Variants in ARAP2 observed in about 807,000 individuals in gnomAD.
The protein encoded by ARAP2 is ArfGAP with RhoGAP domain, ankyrin repeat and PH domain 2.
A neutral mutation model predicts 194.5 loss-of-function variants in ARAP2; 148 were observed. That is an observed-to-expected ratio of 0.76 (90% CI 0.67 to 0.87). The LOEUF (loss-of-function observed/expected upper bound fraction) is 0.87, where lower values mean the gene tolerates loss of function less well. Among genes scored for constraint, ARAP2 ranks in the 40% least tolerant of loss-of-function variants. The pLI, the probability that ARAP2 is intolerant of heterozygous loss-of-function variation, is 0.00. For synonymous variants in ARAP2, 695 were observed against 683.5 expected (o/e 1.02, Z -0.26); for missense variants, 2,128 against 1,989.7 (o/e 1.07, Z -1.32).
intron 5 of ARAP2, among the ~76,000 whole-genome samples, chr4:36,024,951 A>T (rs2109348209): frequency 6.6e-6 from 1 of 152,276 alleles, no homozygotes; most frequent in South Asian, 2.1e-4. Context: ...GTCATCTGTA[A>T]GGTACTGATA....
chr4:36,057,152 T>C (rs1723655203), intron 2 of ARAP2, among the ~76,000 whole-genome samples: 1 of 152,020 alleles, frequency 6.6e-6, no homozygotes, highest in Non-Finnish European at 1.5e-5. Flanking sequence ...GGATATGGAA[T>C]TCTAGTTGGC....
chr4:36,191,871 C>T (rs927335662), intron 7 of ARAP2, among the ~76,000 whole-genome samples: 3 of 152,034 alleles, frequency 2.0e-5, no homozygotes, highest in African/African-American at 4.8e-5. Flanking sequence ...TTGGATCATG[C>T]CATTTTCTGT....
chr4:36,033,082 C>T (rs537659257), intron 5 of ARAP2, among the ~76,000 whole-genome samples: 4 of 152,290 alleles, frequency 2.6e-5, no homozygotes, highest in African/African-American at 9.6e-5. Context: ...CATTGATGGG[C>T]ATCGAGATTG....
chr4:36,143,432 G>T (rs1285868876), intron 19 of ARAP2, among the ~76,000 whole-genome samples: 1 of 151,402 alleles, frequency 6.6e-6, no homozygotes, highest in Non-Finnish European at 1.5e-5. Flanking sequence ...CTCTACAAAG[G>T]TATTGGTAAA....
chr4:36,095,057 A>T (rs1714796898), intron 27 of ARAP2, among the ~76,000 whole-genome samples: 2 of 152,134 alleles, frequency 1.3e-5, no homozygotes, highest in African/African-American at 4.8e-5. Flanking sequence ...TTTTGGATTA[A>T]TTTGTATTGA....
At chr4:36,166,381 A>G (rs546918865) in intron 10 of ARAP2, among the ~76,000 whole-genome samples, 8 of 152,128 alleles carry the variant, frequency 5.3e-5, no homozygotes, top group African/African-American at 1.2e-4. Context: ...TATCTTTTTC[A>G]TTGTCATAAT....
Position 36,071,670 on chromosome 4 carries a change from AT to A in ARAP2, c.4743+2018del, listed in dbSNP as rs201540912. On this transcript the variant is annotated intron_variant, in intron 32 of 32. Transcript: ENST00000303965. The stretch of plus-strand genomic sequence containing the variant: ...GATTTTTATTAATATATAATACTTA[AT>A]TTTTTTTTGAGTTTTTTTTTAATTT... 5.3e-3 allele frequency among the ~76,000 whole-genome samples: 729 copies of A among 138,558 alleles called. 3 individuals carry two copies. Among genetic ancestry groups the A allele is most frequent in the African/African-American group, 0.016 (600 of 37,722 alleles). The allele number at this position is 138,558 out of a possible 152,430, so 90.9% of individuals were successfully genotyped here.
At chr4:36,037,123 A>G (rs574270710) in intron 5 of ARAP2, among the ~76,000 whole-genome samples, 1 of 151,898 alleles carries the variant, frequency 6.6e-6, no homozygotes, top group South Asian at 2.1e-4. Context: ...ACCTCCATAC[A>G]CTCTTCACAC....
intron 15 of ARAP2, chr4:36,157,637 G>C (rs1020163200): frequency 6.6e-6 from 1 of 152,132 alleles, no homozygotes; most frequent in Non-Finnish European, 1.5e-5. Flanking sequence ...TCACATCAAC[G>C]ATCTTGCAGA....
intron 8 of ARAP2, among the ~76,000 whole-genome samples, chr4:36,183,174 G>C (rs1407708809): frequency 6.6e-6 from 1 of 152,090 alleles, no homozygotes. Context: ...GTTAAGTAAA[G>C]GGATAGTAAA....
intron 2 of ARAP2, among the ~76,000 whole-genome samples, chr4:36,215,102 A>T (rs568820978): frequency 6.6e-6 from 1 of 152,332 alleles, no homozygotes; most frequent in Non-Finnish European, 1.5e-5. Context: ...CATATAACAG[A>T]GTTCTCTTTT....
Position 36,160,560 on chromosome 4 carries a change from A to G in ARAP2, c.2341T>C (p.Ser781Pro). Residue 781 changes from serine to proline, a missense_variant, in exon 13 of 33, where the codon TCA becomes CCA. Transcript: ENST00000303965. ...AAGTTTTTTCTCTTTTCTACTGGTGAGTCCATATGTAATTCTTCATCCTTT... is the reference window on the plus strand; with the variant it reads ...AAGTTTTTTCTCTTTTCTACTGGTGGGTCCATATGTAATTCTTCATCCTTT... The part of the protein sequence containing the change: ...LQKDEELHMD[S>P]PVEKRKNFIT... The G allele has an allele frequency of 6.4e-7, 1 of 1,562,318 alleles. No individual in the cohort carries two copies. Among genetic ancestry groups the G allele is most frequent in the South Asian group, 1.2e-5 (1 of 80,566 alleles).
intron 27 of ARAP2, among the ~76,000 whole-genome samples, chr4:36,092,441 T>C (rs2109391260): frequency 6.6e-6 from 1 of 152,192 alleles, no homozygotes; most frequent in African/African-American, 2.4e-5. Flanking sequence ...GAAACCCGTC[T>C]CTACTAAAAA....
intron 1 of ARAP2, among the ~76,000 whole-genome samples, chr4:36,235,826 G>C (rs1752334399): frequency 6.6e-6 from 1 of 152,072 alleles, no homozygotes; most frequent in Non-Finnish European, 1.5e-5. Context: ...TGAGGGGTGG[G>C]GCAGTAGGTA....
Position 36,229,652 on chromosome 4 carries a change from A to G in ARAP2, c.-159-7T>C, listed in dbSNP as rs1751043076. The G allele has an allele frequency of 2.1e-6, 1 of 465,430 alleles. No individual in the cohort carries two copies. The highest frequency in any genetic ancestry group is 3.7e-5 in the Admixed American group (1 of 26,848). 28.8% of individuals were successfully genotyped at this position (465,430 alleles called of 1,614,324 possible). A position where few individuals can be genotyped will look rare whatever the true frequency, so the allele number is the denominator to read the frequency against. ...CTGCTTTACCTGCTTAAGCCTAGAA[A>G]AAAATAAAAAATGATTCATTAGGCT... On this transcript the variant is annotated splice_region_variant and splice_polypyrimidine_tract_variant and intron_variant, in intron 1 of 32. Coordinates refer to ENST00000303965, the MANE Select transcript of ARAP2 (RefSeq NM_015230.4).
chr4:36,119,267 T>G (rs1722111918), intron 24 of ARAP2, among the ~76,000 whole-genome samples: 1 of 151,480 alleles, frequency 6.6e-6, no homozygotes, highest in African/African-American at 2.4e-5. Flanking sequence ...TAAGAAATAA[T>G]TTATAGTTTC....
intron 9 of ARAP2, among the ~76,000 whole-genome samples, chr4:36,009,893 G>T (rs984901810): frequency 2.6e-5 from 3 of 117,160 alleles, no homozygotes; most frequent in East Asian, 4.1e-4. Flanking sequence ...CGGGGGGTAG[G>T]GGGGTGGAAT....
At chr4:36,110,205 A>G (rs1314166516) in intron 26 of ARAP2, among the ~76,000 whole-genome samples, 1 of 151,892 alleles carries the variant, frequency 6.6e-6, no homozygotes, top group Non-Finnish European at 1.5e-5. Context: ...AAGCCTTCCC[A>G]TGATGGTTTT....
chr4:36,165,449 T>A (rs901291720), intron 10 of ARAP2, among the ~76,000 whole-genome samples: 8 of 151,792 alleles, frequency 5.3e-5, no homozygotes, highest in Non-Finnish European at 1.0e-4. Context: ...CAATAAGAGG[T>A]TTTTGGCAGA....
Sources: allele counts gnomAD v4.1 joint callset (sites outside exome capture counted in the v4.1 genomes callset), GRCh38; gene constraint gnomAD v4.1.1; transcripts MANE v1.5; gene names NCBI Gene and HGNC (gene_info 2026-07-23, HGNC 2026-07-21).